The following FAT3 variants were observed in gnomAD, a reference collection of about 807,000 sequenced individuals.
FAT3 encodes protocadherin Fat 3.
Under a neutral mutation model 310.2 loss-of-function variants are expected in FAT3, and 95 were observed. That is an observed-to-expected ratio of 0.31 (90% CI 0.26 to 0.36). The LOEUF (loss-of-function observed/expected upper bound fraction) is 0.36, where lower values mean the gene tolerates loss of function less well. Among genes scored for constraint, FAT3 ranks in the 10% least tolerant of loss-of-function variants. The pLI is 1.00. For synonymous variants in FAT3, 2,314 were observed against 2,192.9 expected, an observed-to-expected ratio of 1.06 and a Z score of -1.54; for missense variants, 5,408 against 5,715.6, an observed-to-expected ratio of 0.95 and a Z score of 1.74.
Position 92,887,003 on chromosome 11 carries a change from A to G in FAT3, c.12941A>G (p.Lys4314Arg). Residue 4314 changes from lysine (K) to arginine (R), a missense_variant, in exon 25 of 28, where the codon AAA becomes AGA. By Grantham distance (26) the Lys-to-Arg change is conservative. Around this residue, in one of 5 missense-constraint regions of FAT3, gnomAD observed 649 missense variants for 666.2 expected, o/e 0.97. Coordinates refer to ENST00000525166, the MANE Select transcript of FAT3 (RefSeq NM_001367949.2). Reference sequence around the variant, plus strand: ...TTCTCTTTCACTGTCCATGAAGACAAAGGGGTTGATGACCCGGGAGAAGTG... The same window carrying G: ...TTCTCTTTCACTGTCCATGAAGACAGAGGGGTTGATGACCCGGGAGAAGTG... The part of the protein sequence containing the change: ...KNGWDAGTEN[K>R]GVDDPGEVTC... 3 of 1,601,590 alleles carry G rather than the reference A, an allele frequency of 1.9e-6. No homozygotes were observed. Among genetic ancestry groups the G allele is most frequent in the South Asian group, 1.1e-5 (1 of 88,060 alleles).
At chr11:92,379,034 A>G (rs1170449035) in intron 2 of FAT3, among the ~76,000 whole-genome samples, 1 of 152,136 alleles carries the variant, frequency 6.6e-6, no homozygotes, top group African/African-American at 2.4e-5. Context: ...CGTTCAGACA[A>G]TAGCAGTGTT....
chr11:92,715,151 A>G (rs1052105867), intron 4 of FAT3, among the ~76,000 whole-genome samples: 1 of 151,912 alleles, frequency 6.6e-6, no homozygotes, highest in Non-Finnish European at 1.5e-5. Flanking sequence ...CACACCTGTA[A>G]TCCCAGCACT....
intron 2 of FAT3, among the ~76,000 whole-genome samples, chr11:92,414,735 G>A (rs1188703211): frequency 2.0e-5 from 3 of 152,186 alleles, no homozygotes; most frequent in Non-Finnish European, 2.9e-5. Flanking sequence ...AATAGGCCGG[G>A]CGTGGTGGCT....
At chr11:92,581,967 T>C (rs888327459) in intron 3 of FAT3, among the ~76,000 whole-genome samples, 1 of 152,038 alleles carries the variant, frequency 6.6e-6, no homozygotes, top group African/African-American at 2.4e-5. Context: ...GGCTGCTTCA[T>C]AGACAGAGCA....
intron 3 of FAT3, among the ~76,000 whole-genome samples, chr11:92,536,313 C>T (rs1954257358): frequency 6.6e-6 from 1 of 152,152 alleles, no homozygotes; most frequent in Non-Finnish European, 1.5e-5. Context: ...CTTTGCTGTA[C>T]ATAGTCATAG....
At chr11:92,492,939 A>G (rs1952650141) in intron 2 of FAT3, among the ~76,000 whole-genome samples, 1 of 152,140 alleles carries the variant, frequency 6.6e-6, no homozygotes, top group East Asian at 1.9e-4. Flanking sequence ...AATAAAAGTC[A>G]GAGGTGAAAA....
chr11:92,392,471 C>T (rs1242300853), intron 2 of FAT3, among the ~76,000 whole-genome samples: 1 of 152,112 alleles, frequency 6.6e-6, no homozygotes, highest in African/African-American at 2.4e-5. Flanking sequence ...TCTTCCTGGT[C>T]ACCTGGCTGA....
chr11:92,538,424 C>T (rs1195478299), intron 3 of FAT3, among the ~76,000 whole-genome samples: 1 of 152,158 alleles, frequency 6.6e-6, no homozygotes, highest in Admixed American at 6.6e-5. Context: ...GGTATACTAA[C>T]TGAGATGCTG....
At chr11:92,748,144 G>A (rs1945727120) in intron 4 of FAT3, among the ~76,000 whole-genome samples, 1 of 152,206 alleles carries the variant, frequency 6.6e-6, no homozygotes, top group South Asian at 2.1e-4. Flanking sequence ...TTGACTCACA[G>A]TTCCATATGG....
At chr11:92,420,352 C>G (rs1367851433) in intron 2 of FAT3, among the ~76,000 whole-genome samples, 1 of 152,096 alleles carries the variant, frequency 6.6e-6, no homozygotes. Flanking sequence ...CAAAAGTGGC[C>G]ACACTTTTAT....
At chr11:92,706,704 A>G (rs1944364575) in intron 4 of FAT3, among the ~76,000 whole-genome samples, 1 of 152,236 alleles carries the variant, frequency 6.6e-6, no homozygotes, top group Admixed American at 6.5e-5. Flanking sequence ...TGAAGTAAGT[A>G]ATTCACATAT....
intron 2 of FAT3, among the ~76,000 whole-genome samples, chr11:92,496,388 A>G (rs560715084): frequency 6.6e-6 from 1 of 151,900 alleles, no homozygotes; most frequent in African/African-American, 2.4e-5. Flanking sequence ...CTAACCTGGG[A>G]CCACACTTTT....
rs1386804975 is a variant in FAT3, at chr11:92,330,187, T to C, written c.-17-21909T>C. On this transcript the variant is annotated intron_variant, in intron 1 of 27. Transcript: ENST00000525166. ...TGAAAGATGATAATGTGCCCATCTA[T>C]GTAAGTCAAAACAAAATGAGACCTT... 2.0e-5 allele frequency among the ~76,000 whole-genome samples: 3 copies of C among 152,196 alleles called. No homozygotes were observed. The East Asian group carries it at 5.8e-4, about 29-fold the overall frequency.
intron 2 of FAT3, among the ~76,000 whole-genome samples, chr11:92,444,529 T>TA (rs1951163664): frequency 6.6e-6 from 1 of 151,770 alleles, no homozygotes; most frequent in African/African-American, 2.4e-5. Context: ...ATGAAATAAA[T>TA]AAAAAATTGT....
intron 3 of FAT3, among the ~76,000 whole-genome samples, chr11:92,560,397 T>G (rs1955179918): frequency 6.6e-6 from 1 of 152,218 alleles, no homozygotes; most frequent in Non-Finnish European, 1.5e-5. Context: ...ACTTTCTTGA[T>G]AGGGGCATTT....
At chr11:92,284,679 A>C (rs575055668) in intron 1 of FAT3, among the ~76,000 whole-genome samples, 3 of 152,082 alleles carry the variant, frequency 2.0e-5, no homozygotes, top group Non-Finnish European at 4.4e-5. Context: ...AACTTTGCAG[A>C]GGTTGAGTAC....
chr11:92,466,934 A>G (rs1257442252), intron 2 of FAT3, among the ~76,000 whole-genome samples: 1 of 151,954 alleles, frequency 6.6e-6, no homozygotes, highest in Non-Finnish European at 1.5e-5. Flanking sequence ...ATGGCTGCAT[A>G]GTATTCCATG....
intron 2 of FAT3, among the ~76,000 whole-genome samples, chr11:92,455,621 G>A (rs148479673): frequency 6.6e-6 from 1 of 152,246 alleles, no homozygotes; most frequent in Non-Finnish European, 1.5e-5. Flanking sequence ...TTTTCATGGG[G>A]CTGCTACTCA....
At chr11:92,441,217 G>A (rs1169384614) in intron 2 of FAT3, among the ~76,000 whole-genome samples, 7 of 152,184 alleles carry the variant, frequency 4.6e-5, no homozygotes, top group African/African-American at 1.7e-4. Flanking sequence ...GTCTGCTCCT[G>A]TTTCTCCACC....
Sources: allele counts gnomAD v4.1 joint callset (sites outside exome capture counted in the v4.1 genomes callset), GRCh38; gene constraint gnomAD v4.1.1; regional missense constraint gnomAD v4.1.1; transcripts MANE v1.5; gene names NCBI Gene and HGNC (gene_info 2026-07-23, HGNC 2026-07-21).